Variants in ENOX1 observed in about 807,000 individuals in gnomAD.
ENOX1 encodes the protein candidate growth-related and time keeping constitutive hydroquinone (NADH) oxidase.
A neutral mutation model predicts 82.5 loss-of-function variants in ENOX1; 42 were observed. The ratio of observed to expected loss-of-function variants is 0.51; its 90% CI spans 0.40 to 0.66. The LOEUF is 0.66. ENOX1 is among the 30% of genes least tolerant of loss of function. The probability of loss-of-function intolerance (pLI) is 0.00; values close to 1 mark genes in which losing one functional copy is unlikely to be tolerated. For missense variants in ENOX1, 608 were observed against 811.6 expected, an observed-to-expected ratio of 0.75 and a Z score of 3.05; for synonymous variants, 271 against 282.2, an observed-to-expected ratio of 0.96 and a Z score of 0.40.
At position 43,652,668 on chromosome 13, in the gene ENOX1, A is replaced by T. The variant is rs1180349032; in HGVS notation, c.-219+14811T>A. Reference sequence around the variant, plus strand: ...TGAGAGCAGACTACTGAAGTTGAGGATGGATGTTTGCACCCTGCAGAGAAT... The same window carrying T: ...TGAGAGCAGACTACTGAAGTTGAGGTTGGATGTTTGCACCCTGCAGAGAAT... On this transcript the variant is annotated intron_variant, in intron 2 of 16. Transcript: ENST00000690772. Among the ~76,000 whole-genome samples, 6 of 152,164 alleles carry T rather than the reference A, an allele frequency of 3.9e-5. No homozygotes were observed. The East Asian group carries it at 1.2e-3, about 29-fold the overall frequency.
At chr13:43,361,252 C>A (rs750203405) in intron 6 of ENOX1, 27 bp downstream of exon 6, 1 of 1,598,092 alleles carries the variant, frequency 6.3e-7, no homozygotes, top group Non-Finnish European at 8.5e-7. Flanking sequence ...TTAAAATGAG[C>A]AAATATTTCT....
chr13:43,445,327 GT>G (rs981858130), intron 3 of ENOX1, among the ~76,000 whole-genome samples: 10 of 152,042 alleles, frequency 6.6e-5, no homozygotes, highest in Admixed American at 2.0e-4. Flanking sequence ...GTTTCACCGT[GT>G]TAGCCAGGAT....
At chr13:43,301,529 G>T (rs2046573909) in intron 11 of ENOX1, among the ~76,000 whole-genome samples, 1 of 148,654 alleles carries the variant, frequency 6.7e-6, no homozygotes. Flanking sequence ...TCCCGGAATA[G>T]GAATGTGATA....
intron 14 of ENOX1, among the ~76,000 whole-genome samples, chr13:43,258,820 C>A (rs1335721470): frequency 6.6e-6 from 1 of 152,166 alleles, no homozygotes; most frequent in Non-Finnish European, 1.5e-5. Context: ...AAAAAGGTCT[C>A]GTCTCCAGAG....
chr13:43,520,832 C>G (rs2153682603), intron 2 of ENOX1, among the ~76,000 whole-genome samples: 1 of 152,296 alleles, frequency 6.6e-6, no homozygotes, highest in South Asian at 2.1e-4. Flanking sequence ...GGATCAGGCC[C>G]AGTGGAAAGG....
chr13:43,542,203 G>C (rs1416844473), intron 2 of ENOX1, among the ~76,000 whole-genome samples: 1 of 152,048 alleles, frequency 6.6e-6, no homozygotes, highest in African/African-American at 2.4e-5. Flanking sequence ...GCAGTGGCGT[G>C]ATCTCGGCTC....
chr13:43,548,553 T>C (rs1593760356), intron 2 of ENOX1, among the ~76,000 whole-genome samples: 1 of 152,356 alleles, frequency 6.6e-6, no homozygotes. Flanking sequence ...CGTTACATCA[T>C]GCAGCAACCT....
At chr13:43,466,133 G>A (rs2057707998) in intron 3 of ENOX1, among the ~76,000 whole-genome samples, 1 of 150,286 alleles carries the variant, frequency 6.7e-6, no homozygotes, top group African/African-American at 2.5e-5. Context: ...TCTATAATCT[G>A]TTGTGGGATT....
intron 1 of ENOX1, among the ~76,000 whole-genome samples, chr13:43,703,342 C>G (rs1222501788): frequency 2.0e-5 from 3 of 152,268 alleles, no homozygotes; most frequent in African/African-American, 7.2e-5. Flanking sequence ...AGCCAACAAT[C>G]TAGATTTTCT....
chr13:43,481,877 G>T (rs1396304178), intron 3 of ENOX1, among the ~76,000 whole-genome samples: 1 of 152,060 alleles, frequency 6.6e-6, no homozygotes, highest in Non-Finnish European at 1.5e-5. Context: ...CTCCCAAGAA[G>T]ACATACAAAT....
chr13:43,378,379 A>G (rs2051790667), intron 5 of ENOX1, among the ~76,000 whole-genome samples: 1 of 152,206 alleles, frequency 6.6e-6, no homozygotes. Flanking sequence ...GTGCACACAA[A>G]CACATCTCTC....
At chr13:43,678,599 G>A (rs1351062226) in intron 1 of ENOX1, among the ~76,000 whole-genome samples, 1 of 152,186 alleles carries the variant, frequency 6.6e-6, no homozygotes, top group Non-Finnish European at 1.5e-5. Flanking sequence ...GAATTCCACA[G>A]ATACAGATTC....
intron 2 of ENOX1, among the ~76,000 whole-genome samples, chr13:43,499,235 T>G (rs1038176531): frequency 6.6e-6 from 1 of 152,076 alleles, no homozygotes; most frequent in Admixed American, 6.6e-5. Flanking sequence ...TGTGGTATCC[T>G]AGACTGGATC....
At chr13:43,564,949 C>T (rs923479759) in intron 2 of ENOX1, among the ~76,000 whole-genome samples, 1 of 152,048 alleles carries the variant, frequency 6.6e-6, no homozygotes. Context: ...GTCCATCACT[C>T]TCTTAAAAAA....
At chr13:43,659,686 GATTT>G (rs1325605834) in intron 2 of ENOX1, among the ~76,000 whole-genome samples, 1 of 152,110 alleles carries the variant, frequency 6.6e-6, no homozygotes, top group East Asian at 1.9e-4. Context: ...GTTGATATAG[GATTT>G]ATTTTAGAAT....
intron 14 of ENOX1, among the ~76,000 whole-genome samples, chr13:43,243,135 C>CAAAA (rs748084568): frequency 7.4e-5 from 6 of 81,548 alleles, no homozygotes; most frequent in East Asian, 7.2e-4. Context: ...GACTCTGTCT[C>CAAAA]AAAAAAAAAA....
At chr13:43,618,856 T>A (rs993749114) in intron 2 of ENOX1, among the ~76,000 whole-genome samples, 1 of 152,216 alleles carries the variant, frequency 6.6e-6, no homozygotes, top group East Asian at 1.9e-4. Flanking sequence ...ACATTGATTC[T>A]ACTCATCCAT....
intron 1 of ENOX1, among the ~76,000 whole-genome samples, chr13:43,772,870 T>G (rs1420651025): frequency 1.3e-5 from 2 of 152,026 alleles, no homozygotes; most frequent in East Asian, 3.9e-4. Flanking sequence ...ATCAGTAGCT[T>G]GAGATGGGCT....
At chr13:43,392,431 C>A (rs1164496958) in intron 5 of ENOX1, among the ~76,000 whole-genome samples, 2 of 152,220 alleles carry the variant, frequency 1.3e-5, no homozygotes, top group African/African-American at 4.8e-5. Flanking sequence ...GTAATCCCAG[C>A]ACTTTGGGAG....
Sources: gnomAD v4.1 joint callset for allele counts (sites outside exome capture counted in the v4.1 genomes callset) on GRCh38, gnomAD v4.1.1 for gene constraint, MANE v1.5 for transcripts, NCBI Gene and HGNC (gene_info 2026-07-23, HGNC 2026-07-21) for gene names.